USP33: variants seen among roughly 807,000 people sequenced by gnomAD.
USP33 encodes ubiquitin specific peptidase 33.
In USP33, 46 loss-of-function variants were observed where a neutral mutation model predicts 124.2. The ratio of observed to expected loss-of-function variants is 0.37; its 90% confidence interval spans 0.29 to 0.47. The LOEUF (loss-of-function observed/expected upper bound fraction) is 0.47, where lower values mean the gene tolerates loss of function less well. Among genes scored for constraint, USP33 ranks in the 20% least tolerant of loss-of-function variants. The probability of loss-of-function intolerance (pLI) is 0.99; values close to 1 mark genes in which losing one functional copy is unlikely to be tolerated. For missense variants in USP33, 851 were observed against 1,070.6 expected (o/e 0.79, Z 2.86); for synonymous variants, 350 against 352.3 (o/e 0.99, Z 0.07).
chr1:77,735,147 A>T (rs1256502165), intron 6 of USP33, among the ~76,000 whole-genome samples: 1 of 152,158 alleles, frequency 6.6e-6, no homozygotes, highest in South Asian at 2.1e-4. Flanking sequence ...AAAAGAAAGT[A>T]GTATTTATTA....
At chr1:77,721,080 A>C in intron 15 of USP33, 92 bp downstream of exon 15, 4 of 1,408,038 alleles carry the variant, frequency 2.8e-6, no homozygotes, top group Non-Finnish European at 3.0e-6. Context: ...CATTTTTCTA[A>C]ATACAGTGGC....
chr1:77,721,304 C>A (rs1026434598), intron 14 of USP33, 99 bp from the exon 15 acceptor site: 21 of 1,293,246 alleles, frequency 1.6e-5, no homozygotes, highest in Non-Finnish European at 2.2e-5. Context: ...GACCTCCCAG[C>A]ACAGAAAAAC....
intron 21 of USP33, among the ~76,000 whole-genome samples, chr1:77,710,754 C>A (rs1675156525): frequency 1.3e-5 from 2 of 152,114 alleles, no homozygotes; most frequent in Admixed American, 6.6e-5. Context: ...AAAAGAATCC[C>A]AATTTTTTTC....
chr1:77,733,658 A>G (rs1322737170), intron 7 of USP33, among the ~76,000 whole-genome samples: 1 of 152,252 alleles, frequency 6.6e-6, no homozygotes, highest in Non-Finnish European at 1.5e-5. Flanking sequence ...GGAAATGCTC[A>G]TTGGAGCATT....
chr1:77,754,497 C>T (rs1362566670), intron 1 of USP33, among the ~76,000 whole-genome samples: 1 of 152,168 alleles, frequency 6.6e-6, no homozygotes, highest in Non-Finnish European at 1.5e-5. Flanking sequence ...GGAGACTTTT[C>T]ACAAAAGAAA....
intron 10 of USP33, among the ~76,000 whole-genome samples, chr1:77,727,060 T>C (rs976439118): frequency 1.3e-5 from 2 of 152,208 alleles, no homozygotes; most frequent in Admixed American, 1.3e-4. Context: ...AATATTTCAA[T>C]CATGACTAAA....
At chr1:77,758,798 GTTATTAAGCAA>G (rs950226632) in intron 1 of USP33, among the ~76,000 whole-genome samples, 1 of 152,122 alleles carries the variant, frequency 6.6e-6, no homozygotes, top group African/African-American at 2.4e-5. Context: ...CATCCACATA[GTTATTAAGCAA>G]AAGGCCTAGA....
At chr1:77,704,011 G>A (rs1674335265) in intron 21 of USP33, among the ~76,000 whole-genome samples, 1 of 152,004 alleles carries the variant, frequency 6.6e-6, no homozygotes, top group Non-Finnish European at 1.5e-5. Flanking sequence ...TATTCATCAG[G>A]AGGCTGATGT....
At chr1:77,709,214 T>C (rs1177529975) in intron 21 of USP33, among the ~76,000 whole-genome samples, 1 of 152,184 alleles carries the variant, frequency 6.6e-6, no homozygotes, top group African/African-American at 2.4e-5. Context: ...TATGTTACTG[T>C]AATTTATTTT....
chr1:77,748,805 G>T, intron 1 of USP33, among the ~76,000 whole-genome samples: 1 of 111,898 alleles, frequency 8.9e-6, no homozygotes, highest in Non-Finnish European at 1.7e-5. Flanking sequence ...GCTTGAATCA[G>T]GATTGGCAGC....
intron 11 of USP33, among the ~76,000 whole-genome samples, chr1:77,725,248 G>C (rs1677029741): frequency 6.6e-6 from 1 of 152,068 alleles, no homozygotes; most frequent in Non-Finnish European, 1.5e-5. Context: ...AAAACAATAA[G>C]AAAAGAGGAT....
intron 21 of USP33, 39 bp from the exon 22 acceptor site, chr1:77,701,510 A>G (rs777065035): frequency 2.2e-5 from 33 of 1,530,270 alleles, no homozygotes; most frequent in Non-Finnish European, 2.3e-5. Flanking sequence ...AATATCTAAA[A>G]CTTGCTTTAT....
At chr1:77,713,768 C>A (rs1354501711) in intron 19 of USP33, among the ~76,000 whole-genome samples, 1 of 152,046 alleles carries the variant, frequency 6.6e-6, no homozygotes, top group African/African-American at 2.4e-5. Context: ...CTCACTGCAA[C>A]CTCAAACTCT....
intron 21 of USP33, among the ~76,000 whole-genome samples, chr1:77,705,684 T>A (rs547333644): frequency 3.8e-4 from 58 of 151,426 alleles, no homozygotes; most frequent in African/African-American, 8.2e-4. Flanking sequence ...AAAAAAAAAA[T>A]TTTATTAAGG....
chr1:77,750,133 C>T (rs1439398607), intron 1 of USP33, among the ~76,000 whole-genome samples: 1 of 152,130 alleles, frequency 6.6e-6, no homozygotes, highest in East Asian at 1.9e-4. Flanking sequence ...GCCTGGCCAA[C>T]ATGGCAAAAC....
chr1:77,728,635 T>A lies in USP33; in HGVS notation c.795A>T (p.Glu265Asp). 6.2e-7 allele frequency: 1 copy of A among 1,614,138 alleles called. No individual in the cohort carries two copies. Among genetic ancestry groups the A allele is most frequent in the Non-Finnish European group, 8.5e-7 (1 of 1,180,008 alleles). The change falls in exon 10 of 24, where the codon GAA (glutamate) becomes GAT (aspartate). Residue 265 changes from glutamate to aspartate, a missense_variant. Transcript: ENST00000370794. ...CCTCAGTGGTTATGGTTTGCGGATCTTCTTCTACTTCCATGACTTGCTCTT... is the reference window on the plus strand; with the variant it reads ...CCTCAGTGGTTATGGTTTGCGGATCATCTTCTACTTCCATGACTTGCTCTT... ...ELKEQVMEVE[E>D]DPQTITTEET...
At chr1:77,731,227 G>A (rs1008585411) in intron 7 of USP33, among the ~76,000 whole-genome samples, 2 of 152,118 alleles carry the variant, frequency 1.3e-5, no homozygotes, top group African/African-American at 4.8e-5. Context: ...AGTCAACCAT[G>A]TCATCTAAAT....
At chr1:77,739,509 G>T in intron 4 of USP33, 92 bp from the exon 5 acceptor site, 1 of 1,264,730 alleles carries the variant, frequency 7.9e-7, no homozygotes, top group South Asian at 1.9e-5. Flanking sequence ...TAAACTGCTT[G>T]CCTTTGATGA....
chr1:77,751,989 G>A (rs372793683), intron 1 of USP33, among the ~76,000 whole-genome samples: 6 of 150,832 alleles, frequency 4.0e-5, no homozygotes, highest in South Asian at 2.1e-4. Context: ...CGCCGCGCCC[G>A]AAGATATTAC....
Sources: allele counts gnomAD v4.1 joint callset (sites outside exome capture counted in the v4.1 genomes callset), GRCh38; gene constraint gnomAD v4.1.1; transcripts MANE v1.5; gene names NCBI Gene and HGNC (gene_info 2026-07-23, HGNC 2026-07-21).